The following ARHGEF2 variants were observed in gnomAD, a reference collection of about 807,000 sequenced individuals.
ARHGEF2 encodes rho guanine nucleotide exchange factor 2.
Under a neutral mutation model 121.0 loss-of-function variants are expected in ARHGEF2, and 22 were observed. That is an observed-to-expected ratio of 0.18 (90% CI 0.13 to 0.26). ARHGEF2 has a LOEUF of 0.26. Ranked by LOEUF, ARHGEF2 falls within the 10% of genes least tolerant of loss-of-function variation. The pLI is 1.00. For synonymous variants in ARHGEF2, 487 were observed against 530.0 expected (o/e 0.92, Z 1.11); for missense variants, 907 against 1,336.0 (o/e 0.68, Z 5.01).
At position 155,947,953 on chromosome 1, in the gene ARHGEF2, A is replaced by G; in HGVS notation, c.2950T>C (p.Ser984Pro). ...TESRDGEAVA[S>P]ES ...GGGGAGGGGCCCCCTTAGCTCTCGG[A>G]GGCTACAGCCTCCCCGTCGCGGCTC... Residue 984 changes from serine to proline, a missense_variant, in exon 22 of 22, where the codon TCC becomes CCC. Ser to Pro is a moderately conservative substitution (Grantham distance 74). Coordinates refer to ENST00000361247, the MANE Select transcript of ARHGEF2 (RefSeq NM_001162383.2). 6.4e-7 allele frequency: 1 copy of G among 1,550,616 alleles called. No individual in the cohort carries two copies. The highest frequency in any genetic ancestry group is 2.4e-5 in the East Asian group (1 of 41,044).
chr1:155,973,841 C>T (rs556751514), intron 1 of ARHGEF2, among the ~76,000 whole-genome samples: 28 of 152,196 alleles, frequency 1.8e-4, no homozygotes, highest in Non-Finnish European at 3.2e-4. Context: ...CAAACACAGT[C>T]TCCCCTCTTC....
chr1:155,970,148 C>T (rs911818344), intron 1 of ARHGEF2: 5 of 985,430 alleles, frequency 5.1e-6, no homozygotes, highest in Non-Finnish European at 6.0e-6. Flanking sequence ...TCTATTGCTC[C>T]TTACCCAACT....
At chr1:155,978,658 CG>C (rs1197929127), upstream of ARHGEF2, 142 of 1,150,282 alleles carry the variant, frequency 1.2e-4, 1 homozygote, top group Non-Finnish European at 1.5e-4. The surrounding 1 kb of genome is among the most constrained non-coding windows in gnomAD (Gnocchi z 4.1). Flanking sequence ...GCGCGCAGGA[CG>C]GGACGCCAGG....
Position 155,962,430 on chromosome 1 carries a change from C to T in ARHGEF2, c.1101+163G>A, listed in dbSNP as rs1180664109. The T allele has an allele frequency of 1.3e-5, 15 of 1,154,666 alleles. No individual in the cohort carries two copies. The highest frequency in any genetic ancestry group is 3.1e-5 in the African/African-American group (2 of 65,008). 71.5% of individuals were successfully genotyped at this position (1,154,666 alleles called of 1,614,324 possible). Reference sequence around the variant, plus strand: ...ACTTGGGAAACTACCACAACGTGCTCTAGCATTCTGAGGGGTTACTGCTGA... The same window carrying T: ...ACTTGGGAAACTACCACAACGTGCTTTAGCATTCTGAGGGGTTACTGCTGA... On this transcript the variant is annotated intron_variant, in intron 9 of 21. Coordinates refer to ENST00000361247, the MANE Select transcript of ARHGEF2 (RefSeq NM_001162383.2). This position sits in a 1 kb window ranked among gnomAD's most constrained non-coding sequence, Gnocchi z 5.8.
rs1008089974 is a variant in ARHGEF2 at position 155,961,432 on chromosome 1, G to A, written c.1468+229C>T. ...TGGGACTATAGGCGCCCACCACCAC[G>A]CCCGGCGAATTTTTTGTATTTTCAG... On this transcript the variant is annotated intron_variant, in intron 11 of 21. Transcript: ENST00000361247. This position sits in a 1 kb window ranked among gnomAD's most constrained non-coding sequence, Gnocchi z 4.7. 1.3e-5 allele frequency among the ~76,000 whole-genome samples: 2 copies of A among 151,934 alleles called. No homozygotes were observed. Among genetic ancestry groups the A allele is most frequent in the Non-Finnish European group, 2.9e-5 (2 of 67,990 alleles).
At chr1:155,976,970 C>T (rs1333883026) in intron 1 of ARHGEF2, among the ~76,000 whole-genome samples, 3 of 152,126 alleles carry the variant, frequency 2.0e-5, no homozygotes, top group Non-Finnish European at 4.4e-5. Context: ...TTCCCTGGCC[C>T]TCCACCCCCA....
rs1677944521 is a variant in ARHGEF2 at position 155,961,615 on chromosome 1, T to C, written c.1468+46A>G. On this transcript the variant is annotated intron_variant, in intron 11 of 21. Transcript: ENST00000361247. This position sits in a 1 kb window ranked among gnomAD's most constrained non-coding sequence, Gnocchi z 4.7. ...TAAGACCTGCAGGCATCTCCCACTCTCCATCTGACTTTGAATTCCTGCCTA... is the reference window on the plus strand; with the variant it reads ...TAAGACCTGCAGGCATCTCCCACTCCCCATCTGACTTTGAATTCCTGCCTA... The C allele has an allele frequency of 6.3e-7, 1 of 1,584,168 alleles. No individual in the cohort carries two copies.
chr1:155,974,373 C>T (rs956304608), intron 1 of ARHGEF2, among the ~76,000 whole-genome samples: 5 of 152,146 alleles, frequency 3.3e-5, no homozygotes, highest in Admixed American at 1.3e-4. Context: ...CACCAGGATT[C>T]GAGTCACCTG....
In ARHGEF2 at chr1:155,960,950, T is replaced by C. The variant is rs1336270587; in HGVS notation, c.1468+711A>G. On this transcript the variant is annotated intron_variant, in intron 11 of 21. Transcript: ENST00000361247. ...TGTCTCTTCTCCTCCCTGCCTGTCC[T>C]TCACCGGCTCAGTCCCCTCCTCTGG... is the stretch of plus-strand genomic sequence containing the variant. Among the ~76,000 whole-genome samples, 3 of 152,284 alleles carry C rather than the reference T, an allele frequency of 2.0e-5. No homozygotes were observed. In the South Asian group the frequency reaches 6.2e-4, roughly 32 times the overall value.
In ARHGEF2 at chr1:155,958,170, C is replaced by T. The variant is rs116894227; in HGVS notation, c.1545+150G>A. 5.4e-4 allele frequency: 368 copies of T among 679,216 alleles called. 2 individuals are homozygous for T. The East Asian group carries it at 8.4e-3, about 15-fold the overall frequency. 42.1% of individuals were successfully genotyped at this position (679,216 alleles called of 1,614,324 possible). ...TGTGCACAGTAACAGTACCTGTGAGCTGCTCTTATTTTTTATTATTACGGT... is the reference window on the plus strand; with the variant it reads ...TGTGCACAGTAACAGTACCTGTGAGTTGCTCTTATTTTTTATTATTACGGT... On this transcript the variant is annotated intron_variant, in intron 12 of 21. Transcript: ENST00000361247.
At position 155,964,456 on chromosome 1, in the gene ARHGEF2, G is replaced by A. The variant is rs150749024; in HGVS notation, c.724+532C>T. Among the ~76,000 whole-genome samples the A allele has an allele frequency of 5.4e-3, 823 of 151,882 alleles. 4 individuals carry two copies. Among genetic ancestry groups the A allele is most frequent in the Non-Finnish European group, 8.9e-3 (604 of 67,984 alleles). The stretch of plus-strand genomic sequence containing the variant: ...CACAGTCTCCAGCACGGTGTTAAGC[G>A]TGGAACAAGCACAGAGTAAAGACTG... On this transcript the variant is annotated intron_variant, in intron 7 of 21. Transcript: ENST00000361247.
Position 155,947,869 on chromosome 1 carries a change from A to G in ARHGEF2, c.*73T>C, listed in dbSNP as rs944397840. ...TTCAAATGTTCCCTCATCATTGGCA[A>G]ATTGGAGTCCCCAAGGTTAGCCCCC... On this transcript the variant is annotated 3_prime_UTR_variant, in exon 22 of 22. Transcript: ENST00000361247. The G allele has an allele frequency of 1.1e-6, 1 of 873,534 alleles. No homozygotes were observed. Among genetic ancestry groups the G allele is most frequent in the Admixed American group, 2.7e-5 (1 of 37,126 alleles). The allele number at this position is 873,534 out of a possible 1,614,324, so 54.1% of individuals were successfully genotyped here. A position where few individuals can be genotyped will look rare whatever the true frequency, so the allele number is the denominator to read the frequency against.
intron 1 of ARHGEF2, among the ~76,000 whole-genome samples, chr1:155,974,800 C>G (rs1572202368): frequency 6.6e-6 from 1 of 152,000 alleles, no homozygotes; most frequent in African/African-American, 2.4e-5. Context: ...CCCAGCCTGC[C>G]CCCTACGCGG....
In ARHGEF2 at chr1:155,966,602, G is replaced by A. The variant is rs997374943; in HGVS notation, c.277-123C>T. The stretch of plus-strand genomic sequence containing the variant: ...AGGAGAAAGCTGGCACTATGGTTAA[G>A]GGGATCAGGGTGATTGAGCCCAGTG... On this transcript the variant is annotated intron_variant, in intron 3 of 21. Transcript: ENST00000361247. 5 of 1,156,830 alleles carry A rather than the reference G, an allele frequency of 4.3e-6. No individual in the cohort carries two copies. In the African/African-American group the frequency reaches 7.6e-5, roughly 18 times the overall value. The allele number at this position is 1,156,830 out of a possible 1,614,324, so 71.7% of individuals were successfully genotyped here.
intron 1 of ARHGEF2, chr1:155,970,762 G>A: frequency 1.0e-6 from 1 of 985,734 alleles, no homozygotes; most frequent in Non-Finnish European, 1.2e-6. Flanking sequence ...GTGTGGAGGG[G>A]CTGAGTCAAC....
In ARHGEF2 at chr1:155,951,336, C is replaced by T. The variant is rs763434580; in HGVS notation, c.2260-64G>A. The T allele has an allele frequency of 9.0e-6, 14 of 1,563,252 alleles. No homozygotes were observed. The highest frequency in any genetic ancestry group is 3.5e-5 in the South Asian group (3 of 85,454). On this transcript the variant is annotated intron_variant, in intron 19 of 21. Transcript: ENST00000361247. This position sits in a 1 kb window ranked among gnomAD's most constrained non-coding sequence, Gnocchi z 5.1. ...CCTGTGCTCTTCTACCCCTCGCCTT[C>T]ACCCTCCAAGGCCCAGATCATCGCT...
chr1:155,976,308 C>G (rs1054456074), intron 1 of ARHGEF2, among the ~76,000 whole-genome samples: 3 of 151,788 alleles, frequency 2.0e-5, no homozygotes, highest in African/African-American at 7.3e-5. Context: ...GAACCAACTC[C>G]CCCTTCTGTA....
intron 1 of ARHGEF2, chr1:155,972,444 A>T: frequency 2.7e-6 from 1 of 366,682 alleles, no homozygotes; most frequent in Non-Finnish European, 5.7e-6. Flanking sequence ...GGGCCTGCTT[A>T]CCAGGGGTGC....
At chr1:155,967,792 A>G (rs1016429298) in intron 2 of ARHGEF2, among the ~76,000 whole-genome samples, 1 of 152,172 alleles carries the variant, frequency 6.6e-6, no homozygotes, top group Non-Finnish European at 1.5e-5. Flanking sequence ...CCCTTCCCAG[A>G]CATGCCCTCA....
Sources: allele counts gnomAD v4.1 joint callset (sites outside exome capture counted in the v4.1 genomes callset), GRCh38; gene constraint gnomAD v4.1.1; non-coding constraint Gnocchi (gnomAD v3.1); transcripts MANE v1.5; gene names NCBI Gene and HGNC (gene_info 2026-07-23, HGNC 2026-07-21).